Variants in CSMD3 observed in about 807,000 individuals in gnomAD.
CSMD3 encodes the protein CUB and sushi domain-containing protein 3.
In CSMD3, 177 loss-of-function variants were observed where a neutral mutation model predicts 435.2. The observed-to-expected ratio is 0.41, with a 90% confidence interval of 0.36 to 0.46. The LOEUF (loss-of-function observed/expected upper bound fraction) is 0.46. Ranked by LOEUF, CSMD3 falls within the 20% of genes least tolerant of loss-of-function variation. The probability of loss-of-function intolerance (pLI) is 0.34; values close to 1 mark genes in which losing one functional copy is unlikely to be tolerated. For synonymous variants in CSMD3, 1,656 were observed against 1,520.5 expected (o/e 1.09, Z -2.07); for missense variants, 4,265 against 4,504.6 (o/e 0.95, Z 1.52).
intron 2 of CSMD3, chr8:113,314,001 T>C (rs2093890382): frequency 6.6e-6 from 1 of 152,154 alleles, no homozygotes; most frequent in Non-Finnish European, 1.5e-5. Flanking sequence ...TGCTAGTTAA[T>C]TTTTACATCT....
chr8:112,628,754 T>G (rs1437075352), intron 22 of CSMD3, among the ~76,000 whole-genome samples: 1 of 152,054 alleles, frequency 6.6e-6, no homozygotes, highest in Non-Finnish European at 1.5e-5. Flanking sequence ...AAAGGGGAGA[T>G]ATGGAAAAGC....
At chr8:113,304,952 C>G (rs1294903161) in intron 2 of CSMD3, among the ~76,000 whole-genome samples, 3 of 143,302 alleles carry the variant, frequency 2.1e-5, no homozygotes, top group African/African-American at 7.7e-5. Flanking sequence ...ACATATACAC[C>G]ATGGAATACT....
At chr8:112,977,739 T>G (rs2084907081) in intron 6 of CSMD3, among the ~76,000 whole-genome samples, 2 of 152,220 alleles carry the variant, frequency 1.3e-5, no homozygotes, top group African/African-American at 4.8e-5. Flanking sequence ...TTTAAATATT[T>G]TAATGTTTTT....
At chr8:112,518,438 G>A (rs1256681693) in intron 27 of CSMD3, among the ~76,000 whole-genome samples, 1 of 152,042 alleles carries the variant, frequency 6.6e-6, no homozygotes, top group Admixed American at 6.6e-5. Flanking sequence ...AGCCTAGGAG[G>A]TCAAGGCTAC....
chr8:113,048,083 CTTTT>C (rs35254619), intron 5 of CSMD3, among the ~76,000 whole-genome samples: 8 of 106,928 alleles, frequency 7.5e-5, no homozygotes, highest in East Asian at 3.3e-4. Context: ...AACTTCAATT[CTTTT>C]TTTTTTTTTT....
At chr8:112,804,264 T>G (rs1004750406) in intron 12 of CSMD3, among the ~76,000 whole-genome samples, 1 of 152,030 alleles carries the variant, frequency 6.6e-6, no homozygotes, top group Non-Finnish European at 1.5e-5. Flanking sequence ...CAAGGACAGA[T>G]TCAAATGTTA....
chr8:113,351,054 C>T (rs2094186967), intron 1 of CSMD3, among the ~76,000 whole-genome samples: 2 of 152,042 alleles, frequency 1.3e-5, no homozygotes, highest in African/African-American at 4.8e-5. Context: ...ATAGCACTGG[C>T]ATGCACACAC....
chr8:113,190,258 T>C (rs2092565131), intron 3 of CSMD3, among the ~76,000 whole-genome samples: 1 of 151,812 alleles, frequency 6.6e-6, no homozygotes, highest in Non-Finnish European at 1.5e-5. Flanking sequence ...GAGGTAAACT[T>C]GTGAGCAGGT....
intron 28 of CSMD3, among the ~76,000 whole-genome samples, chr8:112,511,669 C>T (rs1255401643): frequency 1.3e-5 from 2 of 151,920 alleles, no homozygotes; most frequent in Non-Finnish European, 2.9e-5. Flanking sequence ...GGATTACAGA[C>T]GTGAGCCACC....
intron 1 of CSMD3, among the ~76,000 whole-genome samples, chr8:113,384,928 CT>C: frequency 6.6e-6 from 1 of 152,076 alleles, no homozygotes; most frequent in South Asian, 2.1e-4. Flanking sequence ...TTGTTAGTCC[CT>C]AAAATCAAAA....
chr8:113,092,987 A>G (rs2090053337), intron 5 of CSMD3, among the ~76,000 whole-genome samples: 1 of 152,158 alleles, frequency 6.6e-6, no homozygotes, highest in Non-Finnish European at 1.5e-5. Context: ...ACCATTGGAA[A>G]AAACATGTAA....
intron 63 of CSMD3, among the ~76,000 whole-genome samples, chr8:112,251,205 G>A (rs1759268571): frequency 1.3e-5 from 2 of 151,578 alleles, no homozygotes; most frequent in Admixed American, 1.3e-4. Context: ...AAACGTATAT[G>A]CTTCTTTTGC....
At chr8:113,230,298 T>C (rs920744966) in intron 3 of CSMD3, among the ~76,000 whole-genome samples, 6 of 151,840 alleles carry the variant, frequency 4.0e-5, no homozygotes, top group Middle Eastern at 3.4e-3. Context: ...TTCAGTTTTT[T>C]TTCCTTGTAG....
chr8:113,081,536 T>C (rs1369695039), intron 5 of CSMD3, among the ~76,000 whole-genome samples: 1 of 152,148 alleles, frequency 6.6e-6, no homozygotes, highest in East Asian at 1.9e-4. Context: ...ACCCTGAGTA[T>C]AGGGAGTTAC....
intron 1 of CSMD3, among the ~76,000 whole-genome samples, chr8:113,338,433 G>A (rs191623439): frequency 2.6e-5 from 4 of 152,010 alleles, no homozygotes; most frequent in Admixed American, 6.6e-5. Context: ...ACTTGCATAC[G>A]AATGTTCATA....
intron 57 of CSMD3, 26 bp downstream of exon 57, chr8:112,289,339 A>C (rs1215320632): frequency 5.7e-6 from 9 of 1,592,278 alleles, no homozygotes; most frequent in Non-Finnish European, 6.9e-6. Context: ...TTTCCAACAC[A>C]TATTGTCCAA....
chr8:112,808,112 C>A (rs1332665285), intron 12 of CSMD3, among the ~76,000 whole-genome samples: 1 of 152,114 alleles, frequency 6.6e-6, no homozygotes, highest in East Asian at 1.9e-4. Context: ...GTACATGTGG[C>A]AGTTTTCCCC....
intron 5 of CSMD3, among the ~76,000 whole-genome samples, chr8:113,056,949 T>C (rs933398406): frequency 2.6e-5 from 4 of 152,206 alleles, no homozygotes; most frequent in Non-Finnish European, 5.9e-5. Flanking sequence ...CATGAAGTAA[T>C]TTTACATTTA....
At chr8:113,092,336 T>G (rs2131516129) in intron 5 of CSMD3, among the ~76,000 whole-genome samples, 1 of 152,178 alleles carries the variant, frequency 6.6e-6, no homozygotes, top group East Asian at 1.9e-4. Flanking sequence ...ATATGTAAAA[T>G]ACTAGTGAGT....
Sources: gnomAD v4.1 joint callset for allele counts (sites outside exome capture counted in the v4.1 genomes callset) on GRCh38, gnomAD v4.1.1 for gene constraint, MANE v1.5 for transcripts, NCBI Gene and HGNC (gene_info 2026-07-23, HGNC 2026-07-21) for gene names.